Variants in ZFHX3 observed in about 807,000 individuals in gnomAD.
The protein encoded by ZFHX3 is zinc finger homeobox 3.
In ZFHX3, 42 loss-of-function variants were observed where a neutral mutation model predicts 279.1. The observed-to-expected ratio is 0.15, with a 90% CI of 0.12 to 0.19. The LOEUF (loss-of-function observed/expected upper bound fraction) is 0.19. Among genes scored for constraint, ZFHX3 ranks in the 10% least tolerant of loss-of-function variants. ZFHX3 has a pLI of 1.00. For synonymous variants in ZFHX3, 2,293 were observed against 1,957.8 expected (o/e 1.17, Z -4.52); for missense variants, 4,981 against 4,754.0 (o/e 1.05, Z -1.40).
intron 1 of ZFHX3, among the ~76,000 whole-genome samples, chr16:73,868,238 T>C (rs1439193847): frequency 1.3e-5 from 2 of 152,152 alleles, no homozygotes; most frequent in Non-Finnish European, 2.9e-5. Context: ...GGTTCAACAA[T>C]GCGGCCAAGT....
intron 1 of ZFHX3, among the ~76,000 whole-genome samples, chr16:73,775,758 C>T (rs75681834): frequency 6.6e-6 from 1 of 152,208 alleles, no homozygotes; most frequent in African/African-American, 2.4e-5. Context: ...TTTAATAAGG[C>T]AGGTGTAGGG....
At chr16:73,039,541 G>A (rs1205217828) in intron 1 of ZFHX3, among the ~76,000 whole-genome samples, 1 of 152,170 alleles carries the variant, frequency 6.6e-6, no homozygotes, top group Non-Finnish European at 1.5e-5. Context: ...GGAAGAAGGT[G>A]CTACTGGCAT....
chr16:72,919,716 A>G (rs536493553), intron 3 of ZFHX3, among the ~76,000 whole-genome samples: 1 of 147,286 alleles, frequency 6.8e-6, no homozygotes, highest in Non-Finnish European at 1.5e-5. Context: ...CTGTATATGT[A>G]ACATTTTTAT....
intron 3 of ZFHX3, among the ~76,000 whole-genome samples, chr16:73,379,675 T>A (rs1448140971): frequency 1.3e-5 from 2 of 152,184 alleles, no homozygotes; most frequent in Non-Finnish European, 2.9e-5. Context: ...TGTCTTGGCA[T>A]GAAGCAAGAG....
intron 2 of ZFHX3, among the ~76,000 whole-genome samples, chr16:73,474,123 G>A (rs372111169): frequency 2.0e-5 from 3 of 150,506 alleles, no homozygotes; most frequent in Non-Finnish European, 2.9e-5. Context: ...CTGGATTCTC[G>A]CTCTTTTTTA....
chr16:73,130,236 GA>G, intron 7 of ZFHX3, among the ~76,000 whole-genome samples: 1 of 151,938 alleles, frequency 6.6e-6, no homozygotes, highest in South Asian at 2.1e-4. Context: ...AATTAAAGTG[GA>G]AAATTTTTGG....
At chr16:73,770,623 A>G (rs1379565542) in intron 1 of ZFHX3, among the ~76,000 whole-genome samples, 1 of 152,212 alleles carries the variant, frequency 6.6e-6, no homozygotes, top group Non-Finnish European at 1.5e-5. Context: ...TAAACAAGAA[A>G]ATAGCATTGC....
rs143535882 is a variant in ZFHX3 at position 73,530,527 on chromosome 16, A to T, written c.-1546-74269T>A. Among the ~76,000 whole-genome samples, 1,381 of 152,290 alleles carry T rather than the reference A, an allele frequency of 9.1e-3. 15 individuals are homozygous for T. Among genetic ancestry groups the T allele is most frequent in the African/African-American group, 0.032 (1,331 of 41,556 alleles). On this transcript the variant is annotated intron_variant, in intron 2 of 17. Transcript: ENST00000641206. ...TAGGCATTTCAGGTTTCCAAATTAG[A>T]GTTCAGACACTGTAATATACTTATG...
intron 1 of ZFHX3, among the ~76,000 whole-genome samples, chr16:73,701,837 T>C (rs2053250445): frequency 6.6e-6 from 1 of 151,870 alleles, no homozygotes; most frequent in Non-Finnish European, 1.5e-5. Flanking sequence ...AAAGATAATG[T>C]TGCAGATATT....
At chr16:73,777,451 C>G (rs1432717878) in intron 1 of ZFHX3, among the ~76,000 whole-genome samples, 1 of 115,326 alleles carries the variant, frequency 8.7e-6, no homozygotes, top group Non-Finnish European at 1.6e-5. Context: ...TGCAGTGAGC[C>G]AAGATCAAAA....
At chr16:73,097,181 G>T (rs943602032) in intron 7 of ZFHX3, among the ~76,000 whole-genome samples, 17 of 151,218 alleles carry the variant, frequency 1.1e-4, no homozygotes, top group Admixed American at 2.0e-4. Context: ...AGCCTCCCAA[G>T]TAGCTGGGAC....
At chr16:73,251,398 C>T (rs1011390084) in intron 5 of ZFHX3, among the ~76,000 whole-genome samples, 1 of 152,160 alleles carries the variant, frequency 6.6e-6, no homozygotes, top group African/African-American at 2.4e-5. Flanking sequence ...AGGGGCCAAG[C>T]GTGGCTCTAA....
intron 1 of ZFHX3, among the ~76,000 whole-genome samples, chr16:73,769,536 T>C (rs920455789): frequency 2.6e-5 from 4 of 152,232 alleles, no homozygotes; most frequent in African/African-American, 7.2e-5. Flanking sequence ...TATATTTATA[T>C]GCAGGAATTC....
At position 72,959,246 on chromosome 16, in the gene ZFHX3, G is replaced by A. The variant is rs150869238; in HGVS notation, c.900C>T (p.His300=). Reference sequence around the variant, plus strand: ...GGGTCATTCGATGGTCATGCACCGCGTGGGTCACAAACGAACGGACGTACC... The same window carrying A: ...GGGTCATTCGATGGTCATGCACCGCATGGGTCACAAACGAACGGACGTACC... ...SFGYVRSFVT[H]AVHDHRMTLS... The change falls in exon 2 of 10, where the codon CAC becomes CAT. Residue 300 remains histidine, a synonymous_variant. Transcript: ENST00000268489. The A allele has an allele frequency of 2.3e-5, 37 of 1,614,186 alleles. No homozygotes were observed. Among genetic ancestry groups the A allele is most frequent in the Middle Eastern group, 1.6e-4 (1 of 6,062 alleles).
chr16:73,357,726 C>T (rs950739932), intron 3 of ZFHX3, among the ~76,000 whole-genome samples: 10 of 152,126 alleles, frequency 6.6e-5, no homozygotes, highest in Admixed American at 2.0e-4. Context: ...GAATTTGAAC[C>T]GTGGCCTGTG....
At chr16:73,463,893 T>G (rs574814097) in intron 2 of ZFHX3, among the ~76,000 whole-genome samples, 1 of 152,364 alleles carries the variant, frequency 6.6e-6, no homozygotes, top group African/African-American at 2.4e-5. Flanking sequence ...AGAAATTACC[T>G]TTCTTGTTCT....
rs1016162147 is a variant in ZFHX3, at chr16:73,832,061, C to T, written c.-1608+59590G>A. 3.9e-5 allele frequency among the ~76,000 whole-genome samples: 6 copies of T among 152,088 alleles called. No individual in the cohort carries two copies. The South Asian group carries it at 6.2e-4, about 16-fold the overall frequency. On this transcript the variant is annotated intron_variant, in intron 1 of 17. Coordinates refer to the ZFHX3 transcript ENST00000641206. ...GATTATAGGCACATGCCACCACACC[C>T]GGCTAATTTTTGTGTTTTTAGTAGA... is the stretch of plus-strand genomic sequence containing the variant.
intron 1 of ZFHX3, among the ~76,000 whole-genome samples, chr16:73,034,866 C>T (rs1964842848): frequency 6.6e-6 from 1 of 152,216 alleles, no homozygotes; most frequent in African/African-American, 2.4e-5. Flanking sequence ...CTAACAATCT[C>T]ATGAGCATGT....
intron 1 of ZFHX3, among the ~76,000 whole-genome samples, chr16:73,699,498 G>A (rs2053227798): frequency 6.6e-6 from 1 of 152,050 alleles, no homozygotes; most frequent in African/African-American, 2.4e-5. Context: ...AGATCGCCAA[G>A]TTTTTTGTTA....
Sources: gnomAD v4.1 joint callset for allele counts (sites outside exome capture counted in the v4.1 genomes callset) on GRCh38, gnomAD v4.1.1 for gene constraint, MANE v1.5 for transcripts, NCBI Gene and HGNC (gene_info 2026-07-23, HGNC 2026-07-21) for gene names.